Variants in PDE8B observed in about 807,000 individuals in gnomAD.
The protein encoded by PDE8B is phosphodiesterase 8B.
Under a neutral mutation model 101.3 loss-of-function variants are expected in PDE8B, and 26 were observed. The ratio of observed to expected loss-of-function variants is 0.26; its 90% confidence interval spans 0.19 to 0.36. The LOEUF is 0.36. PDE8B is among the 10% of genes least tolerant of loss of function. The pLI is 1.00. For missense variants in PDE8B, 810 were observed against 1,163.1 expected (o/e 0.70, Z 4.42); for synonymous variants, 424 against 429.3 (o/e 0.99, Z 0.15).
intron 1 of PDE8B, among the ~76,000 whole-genome samples, chr5:77,305,902 A>G (rs1447896977): frequency 6.6e-6 from 1 of 152,192 alleles, no homozygotes; most frequent in Non-Finnish European, 1.5e-5. Flanking sequence ...GTGCAAGTCA[A>G]GCTTGCCTTA....
rs1320192729 is a variant in PDE8B, at chr5:77,312,405, G to C, written c.399+352G>C. On this transcript the variant is annotated intron_variant, in intron 2 of 21. Coordinates refer to ENST00000264917, the MANE Select transcript of PDE8B (RefSeq NM_003719.5). Reference sequence around the variant, plus strand: ...AGGCGTGAACCACTGTGCCCGGCCTGGCTCAAATTGTTTTCTTGAAGACCT... The same window carrying C: ...AGGCGTGAACCACTGTGCCCGGCCTCGCTCAAATTGTTTTCTTGAAGACCT... Among the ~76,000 whole-genome samples the C allele has an allele frequency of 3.3e-5, 5 of 152,224 alleles. No individual in the cohort carries two copies. The East Asian group carries it at 9.7e-4, about 29-fold the overall frequency.
At chr5:77,312,419 T>C (rs1417049966) in intron 2 of PDE8B, among the ~76,000 whole-genome samples, 1 of 152,184 alleles carries the variant, frequency 6.6e-6, no homozygotes, top group Admixed American at 6.5e-5. Flanking sequence ...CAAATTGTTT[T>C]CTTGAAGACC....
chr5:77,348,628 G>A (rs1780553730), intron 7 of PDE8B, among the ~76,000 whole-genome samples: 1 of 152,202 alleles, frequency 6.6e-6, no homozygotes, highest in African/African-American at 2.4e-5. Flanking sequence ...GAGAAATCCA[G>A]TTGTGGAGAT....
intron 1 of PDE8B, among the ~76,000 whole-genome samples, chr5:77,222,012 G>A (rs189804404): frequency 6.7e-4 from 102 of 152,260 alleles, no homozygotes; most frequent in African/African-American, 2.3e-3. Flanking sequence ...AAACATCATG[G>A]AGCTTTTGAA....
chr5:77,371,367 T>G (rs1785058886), intron 10 of PDE8B, among the ~76,000 whole-genome samples: 1 of 152,192 alleles, frequency 6.6e-6, no homozygotes, highest in Non-Finnish European at 1.5e-5. Context: ...TGAAAAGACT[T>G]TCTTTTCTTC....
At chr5:77,290,586 G>C (rs1239368924) in intron 1 of PDE8B, 1 of 1,503,996 alleles carries the variant, frequency 6.6e-7, no homozygotes, top group Non-Finnish European at 9.2e-7. Flanking sequence ...GGTGTCTTTG[G>C]AGATGGGGAA....
chr5:77,111,646 T>G, the PDE8B span, among the ~76,000 whole-genome samples: 1 of 152,240 alleles, frequency 6.6e-6, no homozygotes, highest in Non-Finnish European at 1.5e-5. Flanking sequence ...GATTTAAGTA[T>G]GACCACATCC....
chr5:77,319,041 G>T (rs916328397), intron 2 of PDE8B, among the ~76,000 whole-genome samples: 1 of 152,146 alleles, frequency 6.6e-6, no homozygotes, highest in African/African-American at 2.4e-5. Flanking sequence ...AGCTGTCAAA[G>T]ACAGATTATT....
chr5:77,330,122 A>G (rs1325403532), intron 4 of PDE8B, among the ~76,000 whole-genome samples: 1 of 152,196 alleles, frequency 6.6e-6, no homozygotes, highest in Non-Finnish European at 1.5e-5. Flanking sequence ...AATGAGGGGA[A>G]CTGAGACATA....
the PDE8B span, among the ~76,000 whole-genome samples, chr5:77,200,225 A>G: frequency 6.6e-6 from 1 of 152,186 alleles, no homozygotes; most frequent in Non-Finnish European, 1.5e-5. Flanking sequence ...GAATATCCAT[A>G]GTTTTAAGTT....
the PDE8B span, among the ~76,000 whole-genome samples, chr5:77,195,979 T>A: frequency 6.6e-5 from 10 of 152,332 alleles, no homozygotes; most frequent in East Asian, 1.5e-3. Context: ...ACTGTAGTTT[T>A]CAATTCATTG....
the PDE8B span, among the ~76,000 whole-genome samples, chr5:77,196,146 G>GT: frequency 6.6e-6 from 1 of 152,106 alleles, no homozygotes; most frequent in African/African-American, 2.4e-5. Context: ...AGTTATAAGA[G>GT]TTTTCTTTTT....
chr5:77,260,360 A>G (rs139540850), intron 1 of PDE8B, among the ~76,000 whole-genome samples: 83 of 152,240 alleles, frequency 5.5e-4, no homozygotes, highest in African/African-American at 1.8e-3. Flanking sequence ...TTGGTTGGGA[A>G]AGGAGGAGGC....
At chr5:77,201,787 A>G in the PDE8B span, among the ~76,000 whole-genome samples, 1 of 152,112 alleles carries the variant, frequency 6.6e-6, no homozygotes, top group African/African-American at 2.4e-5. Context: ...CCATCTACTC[A>G]ATGTCTCTGT....
At chr5:77,400,359 C>T (rs1791999501) in intron 11 of PDE8B, 69 bp downstream of exon 11, 4 of 997,032 alleles carry the variant, frequency 4.0e-6, no homozygotes, top group Middle Eastern at 2.0e-4. Flanking sequence ...ATACATTTCT[C>T]TGAAGAAGTC....
the PDE8B span, chr5:77,147,079 C>A: frequency 2.6e-6 from 1 of 386,208 alleles, no homozygotes. Flanking sequence ...AAGCCTGATG[C>A]AGCAAAAAAG....
At chr5:77,113,905 A>G in the PDE8B span, 321 of 152,352 alleles carry the variant, frequency 2.1e-3, no homozygotes, top group African/African-American at 7.3e-3. Context: ...CAACAGACAC[A>G]TGAAAAAACG....
chr5:77,096,243 C>T, the PDE8B span, among the ~76,000 whole-genome samples: 1 of 152,186 alleles, frequency 6.6e-6, no homozygotes, highest in Non-Finnish European at 1.5e-5. Flanking sequence ...CCTGCCTCAG[C>T]CTCCCAAAGT....
the PDE8B span, chr5:77,106,220 C>T: frequency 6.6e-6 from 1 of 152,162 alleles, no homozygotes; most frequent in African/African-American, 2.4e-5. Context: ...GTCTTATGCT[C>T]TATTCAATAA....
Sources: allele counts gnomAD v4.1 joint callset (sites outside exome capture counted in the v4.1 genomes callset), GRCh38; gene constraint gnomAD v4.1.1; transcripts MANE v1.5; gene names NCBI Gene and HGNC (gene_info 2026-07-23, HGNC 2026-07-21).